KPNA5: variants seen among roughly 807,000 people sequenced by gnomAD.
KPNA5 encodes the protein karyopherin subunit alpha 5, also known as importin subunit alpha-6.
In KPNA5, 46 loss-of-function variants were observed where a neutral mutation model predicts 71.3. The observed-to-expected ratio is 0.65, with a 90% confidence interval of 0.51 to 0.83. KPNA5 has a LOEUF of 0.83. Ranked by LOEUF, KPNA5 falls within the 40% of genes least tolerant of loss-of-function variation. The pLI, the probability that KPNA5 is intolerant of heterozygous loss-of-function variation, is 0.00. For synonymous variants in KPNA5, 207 were observed against 201.4 expected (o/e 1.03, Z -0.24); for missense variants, 547 against 628.3 (o/e 0.87, Z 1.38).
At chr6:116,725,988 T>A in intron 11 of KPNA5, 112 bp downstream of exon 11, 1 of 1,210,632 alleles carries the variant, frequency 8.3e-7, no homozygotes, top group Non-Finnish European at 1.1e-6. Flanking sequence ...ACCGAAAAAG[T>A]ATTTTAAAGA....
intron 6 of KPNA5, among the ~76,000 whole-genome samples, chr6:116,704,550 T>C (rs958120508): frequency 6.6e-6 from 1 of 152,190 alleles, no homozygotes; most frequent in Non-Finnish European, 1.5e-5. Flanking sequence ...TAAACTATGC[T>C]CTTTGTTGAA....
chr6:116,690,321 T>C lies in KPNA5; in HGVS notation c.138+868T>C, dbSNP rs553605062. 2.0e-5 allele frequency among the ~76,000 whole-genome samples: 3 copies of C among 152,192 alleles called. No homozygotes were observed. In the South Asian group the frequency reaches 6.2e-4, roughly 32 times the overall value. Reference sequence around the variant, plus strand: ...ACATTATAGTAGGTACTAAAAAAATTGTGTTGAATAAATGATTAGAAGGAA... The same window carrying C: ...ACATTATAGTAGGTACTAAAAAAATCGTGTTGAATAAATGATTAGAAGGAA... On this transcript the variant is annotated intron_variant, in intron 2 of 13. Transcript: ENST00000368564.
chr6:116,711,549 T>C (rs1383835378), intron 7 of KPNA5, among the ~76,000 whole-genome samples: 1 of 151,682 alleles, frequency 6.6e-6, no homozygotes, highest in Non-Finnish European at 1.5e-5. Flanking sequence ...TGTGTGTGTG[T>C]GTGTGTGTGT....
intron 7 of KPNA5, among the ~76,000 whole-genome samples, chr6:116,714,823 A>G (rs1349075026): frequency 6.6e-6 from 1 of 152,190 alleles, no homozygotes. Flanking sequence ...TCAGTTTTTC[A>G]GGGAACCTCC....
Position 116,689,347 on chromosome 6 carries a change from A to G in KPNA5, c.32A>G (p.Asn11Ser). 1.9e-6 allele frequency: 3 copies of G among 1,605,414 alleles called. No homozygotes were observed. Among genetic ancestry groups the G allele is most frequent in the Non-Finnish European group, 2.5e-6 (3 of 1,177,752 alleles). Residue 11 changes from asparagine (N) to serine (S), a missense_variant, in exon 2 of 14, where the codon AAC (asparagine) becomes AGC (serine). By Grantham distance (46) the Asn-to-Ser change is conservative. Transcript: ENST00000368564. MDAMASPGKD[N>S]YRMKSYKNKA... ...GCCATGGCTAGTCCAGGGAAAGATAACTATAGAATGAAAAGTTATAAGAAT... is the reference window on the plus strand; with the variant it reads ...GCCATGGCTAGTCCAGGGAAAGATAGCTATAGAATGAAAAGTTATAAGAAT...
intron 12 of KPNA5, among the ~76,000 whole-genome samples, chr6:116,727,316 T>C (rs541441475): frequency 6.6e-6 from 1 of 152,108 alleles, no homozygotes; most frequent in East Asian, 1.9e-4. Flanking sequence ...CAGCCTTCCA[T>C]ATCCTTGGGT....
chr6:116,708,474 A>G (rs1778530830), intron 7 of KPNA5, among the ~76,000 whole-genome samples: 1 of 152,186 alleles, frequency 6.6e-6, no homozygotes, highest in Admixed American at 6.5e-5. Flanking sequence ...TTTCTATAAA[A>G]AAGTCATTGT....
At chr6:116,730,000 G>GGA (rs1488562719) in intron 13 of KPNA5, among the ~76,000 whole-genome samples, 2 of 149,036 alleles carry the variant, frequency 1.3e-5, no homozygotes, top group African/African-American at 4.9e-5. Flanking sequence ...TTAACATTTT[G>GGA]GAGAAATTTT....
chr6:116,695,917 C>A (rs1778010509), intron 4 of KPNA5, among the ~76,000 whole-genome samples: 1 of 151,978 alleles, frequency 6.6e-6, no homozygotes, highest in South Asian at 2.1e-4. Context: ...GTACCATTTC[C>A]TCATTATTGA....
intron 4 of KPNA5, among the ~76,000 whole-genome samples, chr6:116,694,312 A>G (rs1327995668): frequency 6.6e-6 from 1 of 152,172 alleles, no homozygotes; most frequent in Non-Finnish European, 1.5e-5. Flanking sequence ...CATTGAATCT[A>G]AAAATTATCT....
In KPNA5 at chr6:116,732,369, G is replaced by C; in HGVS notation, c.*46G>C. On this transcript the variant is annotated 3_prime_UTR_variant, in exon 14 of 14. Transcript: ENST00000368564. ...TTATGGCTAAAAAGGGTAGCTTCAG[G>C]TAACTCCTCTTTGTTGCCAATGTAA... is the stretch of plus-strand genomic sequence containing the variant. 1.8e-6 allele frequency: 2 copies of C among 1,092,272 alleles called. No individual in the cohort carries two copies. Among genetic ancestry groups the C allele is most frequent in the Non-Finnish European group, 2.5e-6 (2 of 789,060 alleles). The allele number at this position is 1,092,272 out of a possible 1,614,324, so 67.7% of individuals were successfully genotyped here. A position where few individuals can be genotyped will look rare whatever the true frequency, so the allele number is the denominator to read the frequency against.
Position 116,725,858 on chromosome 6 carries a change from A to G in KPNA5, c.1107A>G (p.Gly369=), listed in dbSNP as rs779864693. 4.3e-6 allele frequency: 7 copies of G among 1,613,134 alleles called. No homozygotes were observed. Among genetic ancestry groups the G allele is most frequent in the Non-Finnish European group, 5.9e-6 (7 of 1,179,478 alleles). ...GGACTGTTTCTAACATCACTGCTGG[A>G]AATAGAGCTCAGATTCAGGTAACTA... is the stretch of plus-strand genomic sequence containing the variant. ...ACWTVSNITA[G]NRAQIQAVID... is the part of the protein sequence containing the mutation. Residue 369 remains glycine (G), a synonymous_variant, in exon 11 of 14, where the codon GGA becomes GGG. Coordinates refer to ENST00000368564, the MANE Select transcript of KPNA5 (RefSeq NM_001366306.2).
chr6:116,726,757 TATATC>T lies in KPNA5; in HGVS notation c.1253+137_1253+141del, dbSNP rs71707076. On this transcript the variant is annotated intron_variant, in intron 12 of 13. Transcript: ENST00000368564. The stretch of plus-strand genomic sequence containing the variant: ...GATAATATGAAATGACAGCATGTAT[TATATC>T]AGTTACTCATTCACAATTTTTTTTT... 4,490 of 794,602 alleles carry T rather than the reference TATATC, an allele frequency of 5.7e-3. 159 individuals are homozygous for T. In the African/African-American group the frequency reaches 0.073, roughly 13 times the overall value. The allele number at this position is 794,602 out of a possible 1,614,324, so 49.2% of individuals were successfully genotyped here. A position where few individuals can be genotyped will look rare whatever the true frequency, so the allele number is the denominator to read the frequency against.
At chr6:116,711,885 T>C (rs1778702281) in intron 7 of KPNA5, among the ~76,000 whole-genome samples, 1 of 152,088 alleles carries the variant, frequency 6.6e-6, no homozygotes, top group African/African-American at 2.4e-5. Flanking sequence ...TCTCCCGAAG[T>C]GTTGGGATTA....
chr6:116,733,083 C>T lies in KPNA5; in HGVS notation c.*760C>T, dbSNP rs1779553614. The T allele has an allele frequency of 1.3e-5, 2 of 151,656 alleles. No homozygotes were observed. The highest frequency in any genetic ancestry group is 4.1e-4 in the South Asian group (2 of 4,820). The allele number at this position is 151,656 out of a possible 1,614,324, so 9.4% of individuals were successfully genotyped here. On this transcript the variant is annotated 3_prime_UTR_variant, in exon 14 of 14. Transcript: ENST00000368564. ...TATATTAGTATATTTTGTATTTCAA[C>T]CAAATATGCTACCATTTTTGAAATA...
chr6:116,733,159 GTCA>G lies in KPNA5; in HGVS notation c.*841_*843del, dbSNP rs1779556436. The G allele has an allele frequency of 6.6e-6, 1 of 151,694 alleles. No individual in the cohort carries two copies. The highest frequency in any genetic ancestry group is 1.5e-5 in the Non-Finnish European group (1 of 67,734). 9.4% of individuals were successfully genotyped at this position (151,694 alleles called of 1,614,324 possible). On this transcript the variant is annotated 3_prime_UTR_variant, in exon 14 of 14. Coordinates refer to ENST00000368564, the MANE Select transcript of KPNA5 (RefSeq NM_001366306.2). ...TTTTAAAGAGCATCATGACAGAGAT[GTCA>G]TCATGAATCTAAAGTAGTGCTGCAT...
chr6:116,715,649 G>A (rs184724880), intron 7 of KPNA5, among the ~76,000 whole-genome samples: 2 of 152,280 alleles, frequency 1.3e-5, no homozygotes, highest in African/African-American at 4.8e-5. Context: ...CGGGAGTGGT[G>A]GTTCACGCCT....
At chr6:116,688,574 T>G (rs1777681189) in intron 1 of KPNA5, among the ~76,000 whole-genome samples, 1 of 152,152 alleles carries the variant, frequency 6.6e-6, no homozygotes, top group African/African-American at 2.4e-5. Context: ...ATTCACTTTC[T>G]AAAAGTAAAA....
In KPNA5 at chr6:116,733,811, A is replaced by G. The variant is rs981828743; in HGVS notation, c.*1488A>G. 3 of 151,702 alleles carry G rather than the reference A, an allele frequency of 2.0e-5. No homozygotes were observed. Among genetic ancestry groups the G allele is most frequent in the Admixed American group, 6.6e-5 (1 of 15,170 alleles). The allele number at this position is 151,702 out of a possible 1,614,324, so 9.4% of individuals were successfully genotyped here. The stretch of plus-strand genomic sequence containing the variant: ...TCTTTAAAAAAAGATTTCATTTATG[A>G]TAGTATTTGTAATGTTTCTGCTGGA... On this transcript the variant is annotated 3_prime_UTR_variant, in exon 14 of 14. Coordinates refer to ENST00000368564, the MANE Select transcript of KPNA5 (RefSeq NM_001366306.2).
Sources: allele counts gnomAD v4.1 joint callset (sites outside exome capture counted in the v4.1 genomes callset), GRCh38; gene constraint gnomAD v4.1.1; transcripts MANE v1.5; gene names NCBI Gene and HGNC (gene_info 2026-07-23, HGNC 2026-07-21).